Variants in GRM7 observed in about 807,000 individuals in gnomAD.
The protein encoded by GRM7 is metabotropic glutamate receptor 7.
GRM7 carries 35 observed loss-of-function variants against 84.5 expected under a neutral mutation model. The ratio of observed to expected loss-of-function variants is 0.41; its 90% CI spans 0.32 to 0.55. The LOEUF (loss-of-function observed/expected upper bound fraction) is 0.55, where lower values mean the gene tolerates loss of function less well. Among genes scored for constraint, GRM7 ranks in the 20% least tolerant of loss-of-function variants. GRM7 has a pLI of 0.19. For missense variants in GRM7, 1,003 were observed against 1,194.6 expected (o/e 0.84, Z 2.36); for synonymous variants, 487 against 455.1 (o/e 1.07, Z -0.89).
intron 1 of GRM7, among the ~76,000 whole-genome samples, chr3:6,979,413 C>T (rs1694114232): frequency 6.6e-6 from 1 of 152,164 alleles, no homozygotes; most frequent in South Asian, 2.1e-4. Context: ...TAGAAACAAA[C>T]ATACCCATAG....
chr3:7,639,494 T>C (rs980621443), intron 8 of GRM7, among the ~76,000 whole-genome samples: 4 of 152,154 alleles, frequency 2.6e-5, no homozygotes, highest in African/African-American at 9.7e-5. Flanking sequence ...GTGAACACTC[T>C]CTAGTTTGTT....
At chr3:7,337,486 G>T (rs1701466349) in intron 4 of GRM7, among the ~76,000 whole-genome samples, 1 of 151,960 alleles carries the variant, frequency 6.6e-6, no homozygotes, top group Non-Finnish European at 1.5e-5. Flanking sequence ...ACCCCACAGA[G>T]TGGGAGAAAG....
intron 4 of GRM7, among the ~76,000 whole-genome samples, chr3:7,372,827 G>C (rs1469229552): frequency 1.4e-5 from 2 of 147,362 alleles, no homozygotes; most frequent in Admixed American, 6.9e-5. Flanking sequence ...GGAAGAGAAA[G>C]GGGGTAAGGA....
chr3:7,226,311 A>T (rs1175729014), intron 2 of GRM7, among the ~76,000 whole-genome samples: 1 of 152,148 alleles, frequency 6.6e-6, no homozygotes, highest in Admixed American at 6.5e-5. Flanking sequence ...ACTGAGGAAG[A>T]ATTCACTTTC....
chr3:7,248,031 A>G (rs1187794130), intron 2 of GRM7, among the ~76,000 whole-genome samples: 3 of 152,182 alleles, frequency 2.0e-5, no homozygotes, highest in Non-Finnish European at 2.9e-5. Flanking sequence ...GAGAGTGTAT[A>G]TGGTGCAGCC....
chr3:7,283,779 T>TA (rs1412833072), intron 2 of GRM7, among the ~76,000 whole-genome samples: 2 of 152,152 alleles, frequency 1.3e-5, no homozygotes, highest in Admixed American at 1.3e-4. Context: ...TACGGGCAGT[T>TA]AAAAAATTCA....
At chr3:7,366,665 A>T (rs1220776938) in intron 4 of GRM7, among the ~76,000 whole-genome samples, 2 of 151,910 alleles carry the variant, frequency 1.3e-5, no homozygotes, top group Non-Finnish European at 1.5e-5. Context: ...CTACAGTGTC[A>T]CTTATATACC....
At position 7,553,059 on chromosome 3, in the gene GRM7, C is replaced by T. The variant is rs746822319; in HGVS notation, c.1516-25363C>T. Reference sequence around the variant, plus strand: ...ATGCATAGAACCAAATGCTTTGAAGCGCACCCAAGTCACGTCTTGAATGCT... The same window carrying T: ...ATGCATAGAACCAAATGCTTTGAAGTGCACCCAAGTCACGTCTTGAATGCT... On this transcript the variant is annotated intron_variant, in intron 7 of 9. Coordinates refer to ENST00000357716, the MANE Select transcript of GRM7 (RefSeq NM_000844.4). 3.3e-5 allele frequency among the ~76,000 whole-genome samples: 5 copies of T among 152,256 alleles called. No homozygotes were observed. The South Asian group carries it at 1.0e-3, about 32-fold the overall frequency.
chr3:7,415,060 C>G lies in GRM7; in HGVS notation c.1071C>G (p.Asn357Lys). Residue 357 changes from asparagine to lysine, a missense_variant, in exon 5 of 10, where the codon AAC becomes AAG. Asn to Lys is a moderately conservative substitution (Grantham distance 94). Transcript: ENST00000357716. ...ACTTTACGTCCCGTACACTTGAAAA[C>G]AACAGAAGAAATGTATGGTTTGCCG... ...DAYFTSRTLE[N>K]NRRNVWFAEY... The G allele has an allele frequency of 6.2e-7, 1 of 1,612,828 alleles. No individual in the cohort carries two copies. The highest frequency in any genetic ancestry group is 1.7e-5 in the Admixed American group (1 of 59,968).
intron 9 of GRM7, among the ~76,000 whole-genome samples, chr3:7,684,981 G>T (rs1376294397): frequency 6.6e-6 from 1 of 152,126 alleles, no homozygotes; most frequent in African/African-American, 2.4e-5. Flanking sequence ...TAAGAAGAAG[G>T]GCACCTCAAA....
Position 7,048,103 on chromosome 3 carries a change from A to T in GRM7, c.520-98349A>T, listed in dbSNP as rs115247076. Among the ~76,000 whole-genome samples, 638 of 152,096 alleles carry T rather than the reference A, an allele frequency of 4.2e-3. 1 individual carries two copies. The highest frequency in any genetic ancestry group is 0.01 in the Middle Eastern group (3 of 292). ...TAGCACATTGAGTTTTTAGAATATTACAGTTCTCTATAAAAGTTTGATTTC... is the reference window on the plus strand; with the variant it reads ...TAGCACATTGAGTTTTTAGAATATTTCAGTTCTCTATAAAAGTTTGATTTC... On this transcript the variant is annotated intron_variant, in intron 1 of 9. Transcript: ENST00000357716.
At chr3:7,639,419 A>G (rs1359752066) in intron 8 of GRM7, among the ~76,000 whole-genome samples, 1 of 152,124 alleles carries the variant, frequency 6.6e-6, no homozygotes, top group East Asian at 1.9e-4. Context: ...CCATTAATAT[A>G]TTGCAAGTAT....
In GRM7 at chr3:7,482,284, C is replaced by T. The variant is rs186471406; in HGVS notation, c.1515+20562C>T. On this transcript the variant is annotated intron_variant, in intron 7 of 9. Coordinates refer to ENST00000357716, the MANE Select transcript of GRM7 (RefSeq NM_000844.4). ...TAAACCCTGTAAGTTTGATTACATG[C>T]GTCTCAATCCCATAGACATTAACCC... 8.5e-4 allele frequency among the ~76,000 whole-genome samples: 129 copies of T among 152,292 alleles called. 2 individuals carry two copies. Among genetic ancestry groups the T allele is most frequent in the Non-Finnish European group, 2.8e-4 (19 of 68,020 alleles).
At chr3:7,109,577 G>T (rs1995199) in intron 1 of GRM7, among the ~76,000 whole-genome samples, 7 of 152,004 alleles carry the variant, frequency 4.6e-5, no homozygotes, top group African/African-American at 1.4e-4. Flanking sequence ...AGCACCAAAT[G>T]GTACAGCTTA....
chr3:7,094,440 C>T (rs1161883327), intron 1 of GRM7, among the ~76,000 whole-genome samples: 3 of 152,136 alleles, frequency 2.0e-5, no homozygotes, highest in African/African-American at 7.2e-5. Context: ...TTTTCCAGGC[C>T]ATTCTTGTTA....
intron 9 of GRM7, among the ~76,000 whole-genome samples, chr3:7,718,515 TA>T (rs1701838738): frequency 6.6e-6 from 1 of 152,032 alleles, no homozygotes; most frequent in Non-Finnish European, 1.5e-5. Flanking sequence ...AATACGGCAT[TA>T]ATAGAATATA....
chr3:7,608,002 C>A, intron 8 of GRM7: 1 of 307,064 alleles, frequency 3.3e-6, no homozygotes, highest in Non-Finnish European at 6.8e-6. Context: ...TCTGTTTCAG[C>A]ATCAGTTTGC....
At chr3:7,707,633 A>G (rs927915793) in intron 9 of GRM7, among the ~76,000 whole-genome samples, 1 of 152,208 alleles carries the variant, frequency 6.6e-6, no homozygotes, top group Non-Finnish European at 1.5e-5. Flanking sequence ...ACTATTTACA[A>G]AACACCAGAA....
intron 1 of GRM7, among the ~76,000 whole-genome samples, chr3:7,048,939 C>T (rs1162504864): frequency 1.3e-5 from 2 of 151,904 alleles, no homozygotes; most frequent in Non-Finnish European, 2.9e-5. Context: ...TATGCCATCT[C>T]TTTCCTTTAA....
Sources: allele counts gnomAD v4.1 joint callset (sites outside exome capture counted in the v4.1 genomes callset), GRCh38; gene constraint gnomAD v4.1.1; transcripts MANE v1.5; gene names NCBI Gene and HGNC (gene_info 2026-07-23, HGNC 2026-07-21).